PLCB1: variants seen among roughly 807,000 people sequenced by gnomAD.
PLCB1 encodes the protein phospholipase C beta 1.
In PLCB1, 46 loss-of-function variants were observed where a neutral mutation model predicts 161.8. The observed-to-expected ratio is 0.28, with a 90% CI of 0.22 to 0.36. PLCB1 has a LOEUF of 0.36. Ranked by LOEUF, PLCB1 falls within the 10% of genes least tolerant of loss-of-function variation. The pLI is 1.00. For synonymous variants in PLCB1, 517 were observed against 503.7 expected, an observed-to-expected ratio of 1.03 and a Z score of -0.35; for missense variants, 1,016 against 1,472.5, an observed-to-expected ratio of 0.69 and a Z score of 5.07.
chr20:8,880,503 A>AATT (rs148558441), intron 31 of PLCB1, among the ~76,000 whole-genome samples: 3,730 of 152,302 alleles, frequency 0.024, 162 homozygotes, highest in African/African-American at 0.086. Flanking sequence ...GGCAAATAAA[A>AATT]ATTAGAATGA....
At chr20:8,240,029 A>C (rs1425792703) in intron 2 of PLCB1, among the ~76,000 whole-genome samples, 1 of 152,036 alleles carries the variant, frequency 6.6e-6, no homozygotes, top group Non-Finnish European at 1.5e-5. Flanking sequence ...AGATTTCTGA[A>C]AACAAATTAT....
intron 23 of PLCB1, among the ~76,000 whole-genome samples, chr20:8,747,467 G>A (rs1275991415): frequency 6.6e-6 from 1 of 152,210 alleles, no homozygotes; most frequent in East Asian, 1.9e-4. Context: ...GCAAGTGGAA[G>A]TGTGTGAGTG....
intron 11 of PLCB1, among the ~76,000 whole-genome samples, chr20:8,698,085 A>G (rs1290109559): frequency 6.6e-6 from 1 of 152,228 alleles, no homozygotes; most frequent in Non-Finnish European, 1.5e-5. Context: ...TGAAATATCC[A>G]TAAAGAATAC....
intron 12 of PLCB1, among the ~76,000 whole-genome samples, chr20:8,712,854 C>T (rs551557038): frequency 1.3e-5 from 2 of 152,332 alleles, no homozygotes; most frequent in African/African-American, 4.8e-5. Context: ...TGACCTGAAG[C>T]TCAAAATGCA....
At chr20:8,557,020 TAAAA>T (rs139489262) in intron 3 of PLCB1, among the ~76,000 whole-genome samples, 18 of 145,270 alleles carry the variant, frequency 1.2e-4, no homozygotes, top group Admixed American at 1.0e-3. Context: ...ATAAAATAAA[TAAAA>T]AAAATAATAA....
intron 2 of PLCB1, among the ~76,000 whole-genome samples, chr20:8,246,081 G>A (rs949049292): frequency 6.6e-6 from 1 of 151,868 alleles, no homozygotes; most frequent in Non-Finnish European, 1.5e-5. Flanking sequence ...AAATAGGGTG[G>A]TTTATAGGAG....
chr20:8,139,430 A>G (rs527815730), intron 1 of PLCB1, among the ~76,000 whole-genome samples: 3 of 151,990 alleles, frequency 2.0e-5, no homozygotes, highest in Non-Finnish European at 2.9e-5. Flanking sequence ...TATTTGGTTA[A>G]TGTTCTGTTT....
At chr20:8,278,516 C>A (rs1199274171) in intron 2 of PLCB1, among the ~76,000 whole-genome samples, 2 of 151,530 alleles carry the variant, frequency 1.3e-5, no homozygotes, top group East Asian at 3.9e-4. Flanking sequence ...ACAGATAATG[C>A]ACTGGGAAAA....
intron 2 of PLCB1, among the ~76,000 whole-genome samples, chr20:8,340,266 C>G (rs1017568369): frequency 6.6e-6 from 1 of 152,176 alleles, no homozygotes; most frequent in African/African-American, 2.4e-5. Flanking sequence ...ATACGGCAAA[C>G]TTTAAAGCTC....
chr20:8,558,329 A>C (rs566195904), intron 3 of PLCB1, among the ~76,000 whole-genome samples: 1 of 151,964 alleles, frequency 6.6e-6, no homozygotes, highest in Admixed American at 6.6e-5. Context: ...GAATTAAATA[A>C]ATAAATATAA....
At chr20:8,826,832 G>C (rs1170190375) in intron 31 of PLCB1, among the ~76,000 whole-genome samples, 1 of 152,170 alleles carries the variant, frequency 6.6e-6, no homozygotes, top group East Asian at 1.9e-4. Context: ...CTAAATGGTT[G>C]TTACCAAAGT....
At chr20:8,831,903 TC>T (rs1986002470) in intron 31 of PLCB1, among the ~76,000 whole-genome samples, 1 of 83,828 alleles carries the variant, frequency 1.2e-5, no homozygotes, top group Non-Finnish European at 2.6e-5. Context: ...TTTCTCCCTC[TC>T]TTTCTTTCTC....
At chr20:8,729,837 G>A (rs1384417213) in intron 18 of PLCB1, 1 of 151,928 alleles carries the variant, frequency 6.6e-6, no homozygotes, top group Non-Finnish European at 1.5e-5. Flanking sequence ...TGTAAAAAAT[G>A]TTGTGCTACA....
intron 31 of PLCB1, among the ~76,000 whole-genome samples, chr20:8,834,690 C>T (rs768635325): frequency 7.2e-5 from 11 of 151,956 alleles, no homozygotes; most frequent in Non-Finnish European, 1.6e-4. Flanking sequence ...TGGTGCATGC[C>T]TGTCATCCCA....
chr20:8,695,606 G>A (rs1990567842), intron 10 of PLCB1, among the ~76,000 whole-genome samples: 1 of 152,136 alleles, frequency 6.6e-6, no homozygotes, highest in South Asian at 2.1e-4. Context: ...GGAGGCTTAG[G>A]AAGGAGGATG....
intron 2 of PLCB1, among the ~76,000 whole-genome samples, chr20:8,266,026 T>A (rs1981937409): frequency 6.6e-6 from 1 of 152,228 alleles, no homozygotes; most frequent in Non-Finnish European, 1.5e-5. Flanking sequence ...AGTCAAATGC[T>A]AAGTTAACTT....
intron 3 of PLCB1, among the ~76,000 whole-genome samples, chr20:8,575,400 C>T (rs961197753): frequency 6.6e-6 from 1 of 152,266 alleles, no homozygotes; most frequent in South Asian, 2.1e-4. Flanking sequence ...TTATTGTGCC[C>T]ACAGAAAATG....
At chr20:8,276,378 A>G (rs1982545648) in intron 2 of PLCB1, among the ~76,000 whole-genome samples, 1 of 152,180 alleles carries the variant, frequency 6.6e-6, no homozygotes, top group South Asian at 2.1e-4. Flanking sequence ...TTTCTGCTGT[A>G]TCCTTTGCTA....
intron 4 of PLCB1, among the ~76,000 whole-genome samples, chr20:8,644,979 A>C (rs973181085): frequency 6.6e-6 from 1 of 152,174 alleles, no homozygotes; most frequent in Non-Finnish European, 1.5e-5. Context: ...TTTGTTCTGT[A>C]CTAAGAAAAA....
Sources: gnomAD v4.1 joint callset for allele counts (sites outside exome capture counted in the v4.1 genomes callset) on GRCh38, gnomAD v4.1.1 for gene constraint, MANE v1.5 for transcripts, NCBI Gene and HGNC (gene_info 2026-07-23, HGNC 2026-07-21) for gene names.